Variants in SRFBP1 observed in about 807,000 individuals in gnomAD.
The protein encoded by SRFBP1 is serum response factor-binding protein 1.
In SRFBP1, 47 loss-of-function variants were observed where a neutral mutation model predicts 45.5. That is an observed-to-expected ratio of 1.03 (90% CI 0.82 to 1.32). SRFBP1 has a LOEUF of 1.32. Ranked by LOEUF, SRFBP1 falls within the 40% of genes most tolerant of loss-of-function variation. The pLI, the probability that SRFBP1 is intolerant of heterozygous loss-of-function variation, is 0.00. For missense variants in SRFBP1, 621 were observed against 484.6 expected (o/e 1.28, Z -2.64); for synonymous variants, 203 against 166.3 (o/e 1.22, Z -1.70).
At chr5:122,036,251 T>G (rs1753690803) in intron 2 of SRFBP1, among the ~76,000 whole-genome samples, 1 of 152,182 alleles carries the variant, frequency 6.6e-6, no homozygotes, top group Admixed American at 6.5e-5. Context: ...TGATTTATGG[T>G]GAGTACTCAT....
intron 1 of SRFBP1, among the ~76,000 whole-genome samples, chr5:121,968,221 C>T (rs1752114069): frequency 1.4e-5 from 2 of 144,706 alleles, no homozygotes; most frequent in Admixed American, 6.9e-5. Context: ...CAAACTCTGT[C>T]ATTATTATTA....
chr5:122,065,756 T>A (rs987715887), intron 2 of SRFBP1: 6 of 152,064 alleles, frequency 3.9e-5, no homozygotes, highest in African/African-American at 1.2e-4. Context: ...TGTTTTTCAA[T>A]TTTTTTAAGC....
chr5:122,001,331 T>A (rs551469433), intron 4 of SRFBP1, among the ~76,000 whole-genome samples: 1 of 150,808 alleles, frequency 6.6e-6, no homozygotes, highest in Non-Finnish European at 1.5e-5. Context: ...TATGTGCAAA[T>A]CAGCATGCTA....
intron 3 of SRFBP1, among the ~76,000 whole-genome samples, chr5:121,979,756 A>G (rs1309878420): frequency 6.6e-6 from 1 of 152,142 alleles, no homozygotes; most frequent in Non-Finnish European, 1.5e-5. Flanking sequence ...TCAGACGTGT[A>G]CTTTCCAGCC....
chr5:121,985,030 A>G (rs2112828805), intron 3 of SRFBP1, among the ~76,000 whole-genome samples: 1 of 152,020 alleles, frequency 6.6e-6, no homozygotes, highest in East Asian at 1.9e-4. Flanking sequence ...TTTTGGCTCA[A>G]CAAAAATATA....
At chr5:122,049,912 A>G (rs1431832566) in intron 2 of SRFBP1, among the ~76,000 whole-genome samples, 1 of 152,240 alleles carries the variant, frequency 6.6e-6, no homozygotes, top group Non-Finnish European at 1.5e-5. Context: ...AAATGCTCAC[A>G]AGAGAAAGCA....
intron 3 of SRFBP1, among the ~76,000 whole-genome samples, chr5:121,993,816 GGTA>G (rs1488746929): frequency 2.0e-5 from 3 of 151,838 alleles, no homozygotes; most frequent in African/African-American, 7.3e-5. Flanking sequence ...GTTTATTTGA[GGTA>G]GTTTTATTTA....
chr5:122,070,263 G>T, intron 2 of SRFBP1: 1 of 767,722 alleles, frequency 1.3e-6, no homozygotes. Context: ...AGCAGGGAAG[G>T]GATTTTAACT....
chr5:121,962,310 C>T (rs1751965122), intron 1 of SRFBP1, among the ~76,000 whole-genome samples: 1 of 152,172 alleles, frequency 6.6e-6, no homozygotes, highest in South Asian at 2.1e-4. Flanking sequence ...TTGGGAAGAA[C>T]CTTTAGCCTG....
At chr5:121,987,297 A>T (rs1166540392) in intron 3 of SRFBP1, among the ~76,000 whole-genome samples, 1 of 152,160 alleles carries the variant, frequency 6.6e-6, no homozygotes, top group Non-Finnish European at 1.5e-5. Context: ...CTAGCAGCAG[A>T]GGATTGAGAT....
intron 2 of SRFBP1, among the ~76,000 whole-genome samples, chr5:122,041,443 G>T (rs938985680): frequency 6.6e-6 from 1 of 151,476 alleles, no homozygotes; most frequent in Admixed American, 6.6e-5. Context: ...GGTCTTTTTC[G>T]TTATTTGTTT....
At position 121,989,826 on chromosome 5, in the gene SRFBP1, T is replaced by C. The variant is rs115405755; in HGVS notation, c.199-4773T>C. On this transcript the variant is annotated intron_variant, in intron 3 of 7. Coordinates refer to ENST00000339397, the MANE Select transcript of SRFBP1 (RefSeq NM_152546.3). Reference sequence around the variant, plus strand: ...AAAACAGAGTAATTTAGAATACTTATGAGCAGTAAGTACTCTTCTTTGGAA... The same window carrying C: ...AAAACAGAGTAATTTAGAATACTTACGAGCAGTAAGTACTCTTCTTTGGAA... Among the ~76,000 whole-genome samples, 264 of 152,352 alleles carry C rather than the reference T, an allele frequency of 1.7e-3. 1 individual carries two copies. Among genetic ancestry groups the C allele is most frequent in the African/African-American group, 6.1e-3 (255 of 41,588 alleles).
intron 1 of SRFBP1, among the ~76,000 whole-genome samples, chr5:121,972,670 A>T (rs1752223831): frequency 6.6e-6 from 1 of 152,012 alleles, no homozygotes; most frequent in African/African-American, 2.4e-5. Context: ...CATTAAGTGT[A>T]GGAGTCAGTG....
intron 2 of SRFBP1, among the ~76,000 whole-genome samples, chr5:122,051,707 G>C (rs576358993): frequency 1.3e-5 from 2 of 151,790 alleles, no homozygotes; most frequent in South Asian, 2.1e-4. Flanking sequence ...TCATTATCTA[G>C]CTTGCCACTC....
At chr5:121,987,833 C>T (rs913334037) in intron 3 of SRFBP1, among the ~76,000 whole-genome samples, 11 of 152,180 alleles carry the variant, frequency 7.2e-5, no homozygotes, top group Non-Finnish European at 1.5e-4. Flanking sequence ...AATCTCCCTT[C>T]CCACAGCACA....
intron 2 of SRFBP1, among the ~76,000 whole-genome samples, chr5:122,046,912 ATTTG>A (rs1209682361): frequency 6.6e-6 from 1 of 151,946 alleles, no homozygotes; most frequent in Non-Finnish European, 1.5e-5. Flanking sequence ...TTTCTTGTAA[ATTTG>A]TTTGAGTTCA....
At chr5:122,005,586 T>C (rs1752957404) in intron 4 of SRFBP1, among the ~76,000 whole-genome samples, 1 of 152,206 alleles carries the variant, frequency 6.6e-6, no homozygotes, top group South Asian at 2.1e-4. Context: ...GTTTTTGTTT[T>C]TTGTTTTTTA....
intron 2 of SRFBP1, among the ~76,000 whole-genome samples, chr5:122,035,728 A>G (rs772408049): frequency 1.6e-4 from 25 of 152,236 alleles, no homozygotes; most frequent in Non-Finnish European, 2.9e-4. Context: ...AAATTTATCA[A>G]TCACTTCAAT....
intron 7 of SRFBP1, 148 bp from the exon 8 acceptor site, chr5:122,026,794 C>A: frequency 1.8e-6 from 1 of 541,040 alleles, no homozygotes; most frequent in Non-Finnish European, 3.1e-6. Context: ...AAACTATTCC[C>A]TGTTAGACTT....
Sources: gnomAD v4.1 joint callset for allele counts (sites outside exome capture counted in the v4.1 genomes callset) on GRCh38, gnomAD v4.1.1 for gene constraint, MANE v1.5 for transcripts, NCBI Gene and HGNC (gene_info 2026-07-23, HGNC 2026-07-21) for gene names.